Variants in COQ8A observed in about 807,000 individuals in gnomAD.
The protein encoded by COQ8A is atypical kinase COQ8A, mitochondrial.
In COQ8A, 51 loss-of-function variants were observed where a neutral mutation model predicts 65.0. The ratio of observed to expected loss-of-function variants is 0.78; its 90% CI spans 0.63 to 0.99. The LOEUF (loss-of-function observed/expected upper bound fraction) is 0.99, where lower values mean the gene tolerates loss of function less well. COQ8A is among the 50% of genes least tolerant of loss of function. The pLI, the probability that COQ8A is intolerant of heterozygous loss-of-function variation, is 0.00. For missense variants in COQ8A, 940 were observed against 875.0 expected, an observed-to-expected ratio of 1.07 and a Z score of -0.94; for synonymous variants, 371 against 353.2, an observed-to-expected ratio of 1.05 and a Z score of -0.57.
intron 2 of COQ8A, 122 bp downstream of exon 2, chr1:226,961,684 C>A: frequency 8.2e-7 from 1 of 1,215,100 alleles, no homozygotes; most frequent in Non-Finnish European, 1.1e-6. Flanking sequence ...TGAGGGCCCA[C>A]CAGCTAATGT....
At chr1:226,983,887 G>A (rs1659884785) in intron 10 of COQ8A, 33 bp downstream of exon 10, 9 of 1,561,380 alleles carry the variant, frequency 5.8e-6, no homozygotes, top group African/African-American at 1.4e-5. Flanking sequence ...TTGCGTGTTT[G>A]CACCAGGGAG....
chr1:226,969,279 T>C (rs1485857202), intron 4 of COQ8A, among the ~76,000 whole-genome samples: 1 of 152,214 alleles, frequency 6.6e-6, no homozygotes, highest in Non-Finnish European at 1.5e-5. Flanking sequence ...AGCTATGTTA[T>C]TTGTTGCCTA....
intron 3 of COQ8A, 33 bp downstream of exon 3, chr1:226,965,443 AGCT>A: frequency 1.3e-6 from 2 of 1,596,112 alleles, no homozygotes; most frequent in African/African-American, 1.3e-5. Flanking sequence ...GGGCCGAGGT[AGCT>A]GCCACCCACA....
rs1460106147 is a variant in COQ8A at position 226,987,049 on chromosome 1, GGA to G, written c.*318_*319del. The G allele has an allele frequency of 9.1e-6, 4 of 438,634 alleles. No homozygotes were observed. Among genetic ancestry groups the G allele is most frequent in the East Asian group, 4.7e-5 (1 of 21,246 alleles). 27.2% of individuals were successfully genotyped at this position (438,634 alleles called of 1,614,324 possible). A position where few individuals can be genotyped will look rare whatever the true frequency, so the allele number is the denominator to read the frequency against. On this transcript the variant is annotated 3_prime_UTR_variant, in exon 15 of 15. Transcript: ENST00000366777. Reference sequence around the variant, plus strand: ...TCCTGATGTGAATGTTAAGCAGAAGGGAGAGAGTCCTTACTCCCTTCCAATCT... The same window carrying G: ...TCCTGATGTGAATGTTAAGCAGAAGGGAGAGTCCTTACTCCCTTCCAATCT...
chr1:226,951,081 C>T lies in COQ8A; in HGVS notation c.-9-10296C>T, dbSNP rs1398241864. ...ATGTGGCTCACCAGGAGGCCACCAA[C>T]GCCCTGCAGTCAGAAGGGACTCTAT... On this transcript the variant is annotated intron_variant, in intron 1 of 14. Transcript: ENST00000366777. Among the ~76,000 whole-genome samples the T allele has an allele frequency of 3.3e-5, 5 of 152,222 alleles. No individual in the cohort carries two copies. In the East Asian group the frequency reaches 5.8e-4, roughly 18 times the overall value.
At chr1:226,986,173 T>C (rs1473441956) in intron 14 of COQ8A, among the ~76,000 whole-genome samples, 5 of 152,112 alleles carry the variant, frequency 3.3e-5, no homozygotes, top group African/African-American at 1.2e-4. Context: ...GCCAGAACAG[T>C]GTTTTGTTAA....
At chr1:226,985,668 G>A (rs769278839) in intron 14 of COQ8A, among the ~76,000 whole-genome samples, 2 of 152,164 alleles carry the variant, frequency 1.3e-5, no homozygotes, top group Non-Finnish European at 2.9e-5. Flanking sequence ...TCCCCTCATC[G>A]AGCCTCCCTG....
Position 226,983,844 on chromosome 1 carries a change from C to T in COQ8A, c.1246C>T (p.Arg416Cys), listed in dbSNP as rs151292389. The T allele has an allele frequency of 2.0e-5, 32 of 1,610,330 alleles. No individual in the cohort carries two copies. The highest frequency in any genetic ancestry group is 1.5e-4 in the Admixed American group (9 of 59,958). The change falls in exon 10 of 15, where the codon CGC becomes TGC. Residue 416 changes from arginine to cysteine, a missense_variant. Physicochemically the swap from Arg to Cys is radical, Grantham distance 180 (BLOSUM62 -3). Transcript: ENST00000366777. ...CDYQREAACA[R>C]KFRDLLKGHP... The stretch of plus-strand genomic sequence containing the variant: ...CTACCAGCGAGAGGCCGCCTGTGCC[C>T]GCAAGTTCAGGTGTGGCCCCCGGCC...
intron 4 of COQ8A, among the ~76,000 whole-genome samples, chr1:226,971,161 G>A (rs1433444048): frequency 6.6e-6 from 1 of 151,944 alleles, no homozygotes; most frequent in African/African-American, 2.4e-5. Context: ...GGCTGATCTC[G>A]AACTCCTGAC....
At chr1:226,979,923 CT>C (rs770706922) in intron 5 of COQ8A, among the ~76,000 whole-genome samples, 10 of 152,242 alleles carry the variant, frequency 6.6e-5, no homozygotes, top group African/African-American at 1.2e-4. Flanking sequence ...CCAAAGCTGG[CT>C]GTTCTCCAGA....
chr1:226,986,759 C>T lies in COQ8A; in HGVS notation c.*22C>T, dbSNP rs374941896. 7.0e-5 allele frequency: 113 copies of T among 1,607,462 alleles called. No homozygotes were observed. Among genetic ancestry groups the T allele is most frequent in the Non-Finnish European group, 8.8e-5 (104 of 1,178,984 alleles). ...GTAGGGCTGCGGGCCACGCCCAGGC[C>T]GGCTCCGCGGGAACTCTCTCCCTCA... is the stretch of plus-strand genomic sequence containing the variant. On this transcript the variant is annotated 3_prime_UTR_variant, in exon 15 of 15. Coordinates refer to ENST00000366777, the MANE Select transcript of COQ8A (RefSeq NM_020247.5).
chr1:226,982,655 T>C (rs1335869829), intron 6 of COQ8A, 23 bp from the exon 7 acceptor site: 1 of 1,611,740 alleles, frequency 6.2e-7, no homozygotes, highest in African/African-American at 1.3e-5. Flanking sequence ...AGGTTCGCCC[T>C]GTGTCATTCT....
At chr1:226,948,522 G>A (rs941431997) in intron 1 of COQ8A, among the ~76,000 whole-genome samples, 1 of 152,200 alleles carries the variant, frequency 6.6e-6, no homozygotes, top group Non-Finnish European at 1.5e-5. Context: ...GCCACCCACA[G>A]TATTTTGGCC....
At position 226,943,879 on chromosome 1, in the gene COQ8A, GGTAT is replaced by G. The variant is rs559814407; in HGVS notation, c.-10+3483_-10+3486del. On this transcript the variant is annotated intron_variant, in intron 1 of 14. Transcript: ENST00000366777. ...CTGTGGGTCTTTGAAGTGGTGATGC[GGTAT>G]GTGTGTGTGTAACTTGGTTTGTTCT... Among the ~76,000 whole-genome samples the G allele has an allele frequency of 1.4e-3, 207 of 152,212 alleles. 1 individual carries two copies. Among genetic ancestry groups the G allele is most frequent in the African/African-American group, 4.8e-3 (198 of 41,538 alleles).
Position 226,984,641 on chromosome 1 carries a change from C to A in COQ8A, c.1492C>A (p.Pro498Thr). Residue 498 changes from proline (P) to threonine (T), a missense_variant, in exon 12 of 15, where the codon CCC becomes ACC. Transcript: ENST00000366777. ...DPNWSNFFYD[P>T]QQHKVALLDF... is the part of the protein sequence containing the mutation. Reference sequence around the variant, plus strand: ...CAACTGGTCCAACTTCTTCTATGACCCCCAGCAGCACAAGGTGAGCCCCAG... The same window carrying A: ...CAACTGGTCCAACTTCTTCTATGACACCCAGCAGCACAAGGTGAGCCCCAG... 6.2e-7 allele frequency: 1 copy of A among 1,614,058 alleles called. No individual in the cohort carries two copies. Among genetic ancestry groups the A allele is most frequent in the Non-Finnish European group, 8.5e-7 (1 of 1,179,904 alleles).
intron 10 of COQ8A, 42 bp from the exon 11 acceptor site, chr1:226,984,052 G>A (rs775063681): frequency 6.2e-6 from 10 of 1,611,244 alleles, no homozygotes; most frequent in Non-Finnish European, 8.5e-6. Context: ...GGGACGGTGT[G>A]GAGGGCCTGT....
In COQ8A at chr1:226,984,162, T is replaced by G. The variant is rs752733827; in HGVS notation, c.1325T>G (p.Val442Gly). ...EIVDELCSPH[V>G]LTTELVSGFP... ...GTGGATGAGCTCTGCAGCCCACATG[T>G]GCTGACCACAGAGCTGGTGTCTGGC... The change falls in exon 11 of 15, where the codon GTG (valine) becomes GGG (glycine). Residue 442 changes from valine to glycine, a missense_variant. Physicochemically the swap from Val to Gly is moderately radical, Grantham distance 109 (BLOSUM62 -3). Coordinates refer to ENST00000366777, the MANE Select transcript of COQ8A (RefSeq NM_020247.5). The G allele has an allele frequency of 6.2e-7, 1 of 1,613,796 alleles. No individual in the cohort carries two copies. The highest frequency in any genetic ancestry group is 8.5e-7 in the Non-Finnish European group (1 of 1,180,004).
intron 8 of COQ8A, 84 bp from the exon 9 acceptor site, chr1:226,983,468 C>A: frequency 7.7e-7 from 1 of 1,299,460 alleles, no homozygotes; most frequent in Non-Finnish European, 1.1e-6. Context: ...AGCTGGGAAG[C>A]CAGTTGGGGG....
Position 226,982,962 on chromosome 1 carries a change from C to G in COQ8A, c.1008C>G (p.Phe336Leu), listed in dbSNP as rs758871135. 4.0e-5 allele frequency: 64 copies of G among 1,604,712 alleles called. No homozygotes were observed. The highest frequency in any genetic ancestry group is 5.4e-5 in the Non-Finnish European group (64 of 1,176,332). ...TGGAATACTTCGAGGAGCGGCCCTT[C>G]GCCGCCGCATCCATTGGGCAGGTGC... ...DKLEYFEERP[F>L]AAASIGQVHL... Residue 336 changes from phenylalanine (F) to leucine (L), a missense_variant, in exon 8 of 15, where the codon TTC (phenylalanine) becomes TTG (leucine). Phe to Leu is a conservative substitution (Grantham distance 22). Transcript: ENST00000366777.
Sources: gnomAD v4.1 joint callset for allele counts (sites outside exome capture counted in the v4.1 genomes callset) on GRCh38, gnomAD v4.1.1 for gene constraint, MANE v1.5 for transcripts, NCBI Gene and HGNC (gene_info 2026-07-23, HGNC 2026-07-21) for gene names.